ARHGAP39: variants seen among roughly 807,000 people sequenced by gnomAD.
The protein encoded by ARHGAP39 is rho GTPase-activating protein 39.
ARHGAP39 carries 44 observed loss-of-function variants against 106.9 expected under a neutral mutation model. The ratio of observed to expected loss-of-function variants is 0.41; its 90% confidence interval spans 0.32 to 0.53. The LOEUF (loss-of-function observed/expected upper bound fraction) is 0.53. Among genes scored for constraint, ARHGAP39 ranks in the 20% least tolerant of loss-of-function variants. The probability of loss-of-function intolerance (pLI) is 0.21; values close to 1 mark genes in which losing one functional copy is unlikely to be tolerated. For synonymous variants in ARHGAP39, 768 were observed against 693.2 expected, an observed-to-expected ratio of 1.11 and a Z score of -1.69; for missense variants, 1,496 against 1,577.3, an observed-to-expected ratio of 0.95 and a Z score of 0.87.
At chr8:144,689,770 T>C (rs142272967), upstream of ARHGAP39, among the ~76,000 whole-genome samples, 1,793 of 134,778 alleles carry the variant, frequency 0.013, 13 homozygotes, top group Non-Finnish European at 0.02. Context: ...TGTGACAGAG[T>C]TTTTTGCTCT....
chr8:144,573,897 G>T (rs940785523), intron 3 of ARHGAP39, among the ~76,000 whole-genome samples: 3 of 152,224 alleles, frequency 2.0e-5, no homozygotes, highest in Non-Finnish European at 2.9e-5. Context: ...ATTAGGCTGG[G>T]AGTGGTGGCT....
intron 3 of ARHGAP39, among the ~76,000 whole-genome samples, chr8:144,563,580 A>C (rs926748507): frequency 5.9e-5 from 9 of 152,008 alleles, no homozygotes; most frequent in Non-Finnish European, 1.3e-4. Context: ...TGAGACGAGG[A>C]GTTCAAGACC....
intron 1 of ARHGAP39, among the ~76,000 whole-genome samples, chr8:144,606,159 G>A (rs912610864): frequency 9.8e-5 from 15 of 152,354 alleles, no homozygotes; most frequent in Admixed American, 3.3e-4. Context: ...GGAAGGACAC[G>A]GGGCCACACG....
At chr8:144,593,748 C>G (rs1462025015) in intron 2 of ARHGAP39, among the ~76,000 whole-genome samples, 1 of 152,080 alleles carries the variant, frequency 6.6e-6, no homozygotes, top group Non-Finnish European at 1.5e-5. Context: ...GAGCCCTGAT[C>G]TACTGCACTC....
intron 2 of ARHGAP39, among the ~76,000 whole-genome samples, chr8:144,588,302 C>T (rs142078231): frequency 1.1e-3 from 169 of 152,380 alleles, no homozygotes; most frequent in African/African-American, 3.9e-3. Context: ...GCAGGCTGTG[C>T]GCTGCATTGA....
rs75139975 is a variant in ARHGAP39 at position 144,638,229 on chromosome 8, G to A, written c.-81-32534C>T. 0.016 allele frequency among the ~76,000 whole-genome samples: 2,474 copies of A among 152,288 alleles called. 206 individuals are homozygous for A. The East Asian group carries it at 0.24, about 15-fold the overall frequency. Reference sequence around the variant, plus strand: ...GAGAAGGCAGCCGGCCGTCTGTACTGCTGGCACTGCCCTGGATGACTTCTC... The same window carrying A: ...GAGAAGGCAGCCGGCCGTCTGTACTACTGGCACTGCCCTGGATGACTTCTC... On this transcript the variant is annotated intron_variant, in intron 1 of 11. Transcript: ENST00000377307.
rs1195879981 is a variant in ARHGAP39 at position 144,646,954 on chromosome 8, C to T, written c.-82+38732G>A. On this transcript the variant is annotated intron_variant, in intron 1 of 11. Coordinates refer to ENST00000377307, the MANE Select transcript of ARHGAP39 (RefSeq NM_025251.3). This position sits in a 1 kb window ranked among gnomAD's most constrained non-coding sequence, Gnocchi z 5.7. Reference sequence around the variant, plus strand: ...TGGGGCACAGCTGGAGGCATCTGCTCTGCTCTGACCATTTTTTTTTTTTTT... The same window carrying T: ...TGGGGCACAGCTGGAGGCATCTGCTTTGCTCTGACCATTTTTTTTTTTTTT... Among the ~76,000 whole-genome samples, 1 of 150,736 alleles carries T rather than the reference C, an allele frequency of 6.6e-6. No individual in the cohort carries two copies. Among genetic ancestry groups the T allele is most frequent in the Non-Finnish European group, 1.5e-5 (1 of 67,842 alleles).
chr8:144,692,027 T>A, the ARHGAP39 span, among the ~76,000 whole-genome samples: 6 of 152,158 alleles, frequency 3.9e-5, no homozygotes, highest in African/African-American at 1.4e-4. Flanking sequence ...CACAGGCTCC[T>A]AAAACTGAAG....
intron 1 of ARHGAP39, among the ~76,000 whole-genome samples, chr8:144,634,876 G>A (rs1179383535): frequency 1.3e-5 from 2 of 149,800 alleles, no homozygotes; most frequent in Non-Finnish European, 3.0e-5. Flanking sequence ...GTCTCCACTC[G>A]GCTCCCGGGA....
intron 7 of ARHGAP39, among the ~76,000 whole-genome samples, chr8:144,536,953 G>C (rs1012439697): frequency 2.5e-4 from 38 of 152,364 alleles, no homozygotes; most frequent in African/African-American, 8.2e-4. Flanking sequence ...AGAGGTGGTG[G>C]CGGAGCTCTA....
At chr8:144,611,478 C>T (rs544817795) in intron 1 of ARHGAP39, among the ~76,000 whole-genome samples, 3 of 152,206 alleles carry the variant, frequency 2.0e-5, no homozygotes, top group Non-Finnish European at 2.9e-5. Context: ...GATTTGTCTA[C>T]TTCTCTTTGC....
chr8:144,640,132 G>A (rs1586631852), intron 1 of ARHGAP39, among the ~76,000 whole-genome samples: 1 of 152,268 alleles, frequency 6.6e-6, no homozygotes, highest in Admixed American at 6.5e-5. Context: ...TATTTTAGAA[G>A]CTCCATGACA....
chr8:144,641,755 C>A lies in ARHGAP39; in HGVS notation c.-81-36060G>T, dbSNP rs1007586430. 6.6e-6 allele frequency among the ~76,000 whole-genome samples: 1 copy of A among 152,244 alleles called. No homozygotes were observed. Among genetic ancestry groups the A allele is most frequent in the East Asian group, 1.9e-4 (1 of 5,198 alleles). ...AAGCTCCTGCCACAGTCTGAGCTGG[C>A]CCCACAGGTACCCAAGAGTGTCCTC... is the stretch of plus-strand genomic sequence containing the variant. On this transcript the variant is annotated intron_variant, in intron 1 of 11. Coordinates refer to ENST00000377307, the MANE Select transcript of ARHGAP39 (RefSeq NM_025251.3). The surrounding 1 kb of genome is among the most constrained non-coding windows in gnomAD (Gnocchi z 5.2).
intron 1 of ARHGAP39, among the ~76,000 whole-genome samples, chr8:144,617,230 C>G (rs1249500098): frequency 6.6e-6 from 1 of 151,368 alleles, no homozygotes; most frequent in Non-Finnish European, 1.5e-5. Context: ...ACCAAAAAAA[C>G]AAAAAACACA....
intron 1 of ARHGAP39, chr8:144,683,090 CG>C (rs775201637): frequency 6.6e-6 from 1 of 151,482 alleles, no homozygotes; most frequent in Non-Finnish European, 1.5e-5. Context: ...CCGAGGCGGG[CG>C]GATCATGAGG....
chr8:144,601,801 CTGTG>C lies in ARHGAP39; in HGVS notation c.80+3730_80+3733del, dbSNP rs367845670. Among the ~76,000 whole-genome samples the C allele has an allele frequency of 9.8e-3, 1,103 of 112,604 alleles. 10 individuals are homozygous for C. The highest frequency in any genetic ancestry group is 0.012 in the Non-Finnish European group (677 of 56,676). The allele number at this position is 112,604 out of a possible 152,430, so 73.9% of individuals were successfully genotyped here. On this transcript the variant is annotated intron_variant, in intron 2 of 11. Transcript: ENST00000377307. Reference sequence around the variant, plus strand: ...GAGGCATGCGTGTGTGCTAATGTACCTGTGTGTGTGTGTGGAGGCGTGTGTGCTC... The same window carrying C: ...GAGGCATGCGTGTGTGCTAATGTACCTGTGTGTGTGGAGGCGTGTGTGCTC...
intron 1 of ARHGAP39, among the ~76,000 whole-genome samples, chr8:144,660,208 G>A (rs1480694805): frequency 6.6e-6 from 1 of 152,142 alleles, no homozygotes; most frequent in Non-Finnish European, 1.5e-5. Context: ...GGGCACCTTG[G>A]CGTCAGCTCT....
Position 144,622,490 on chromosome 8 carries a change from C to G in ARHGAP39, c.-81-16795G>C, listed in dbSNP as rs530043032. The stretch of plus-strand genomic sequence containing the variant: ...TGCCACAATGACCCGAGGGCCAGAG[C>G]GGCTGTGCCCGGAGCCGCCCTCCCA... On this transcript the variant is annotated intron_variant, in intron 1 of 11. Coordinates refer to ENST00000377307, the MANE Select transcript of ARHGAP39 (RefSeq NM_025251.3). 3.9e-5 allele frequency among the ~76,000 whole-genome samples: 6 copies of G among 152,080 alleles called. No individual in the cohort carries two copies. The South Asian group carries it at 1.2e-3, about 32-fold the overall frequency.
rs1031696047 is a variant in ARHGAP39 at position 144,661,044 on chromosome 8, G to C, written c.-82+24642C>G. Among the ~76,000 whole-genome samples the C allele has an allele frequency of 9.3e-4, 141 of 152,264 alleles. 1 individual carries two copies. The highest frequency in any genetic ancestry group is 3.0e-3 in the African/African-American group (123 of 41,548). The stretch of plus-strand genomic sequence containing the variant: ...TAGTCCCAGCTGCTCAGGAGACTGA[G>C]GCAGGAGGATCACCTGTGCCCAGGA... On this transcript the variant is annotated intron_variant, in intron 1 of 11. Transcript: ENST00000377307.
Sources: gnomAD v4.1 joint callset for allele counts (sites outside exome capture counted in the v4.1 genomes callset) on GRCh38, gnomAD v4.1.1 for gene constraint, Gnocchi (gnomAD v3.1) non-coding constraint, MANE v1.5 for transcripts, NCBI Gene and HGNC (gene_info 2026-07-23, HGNC 2026-07-21) for gene names.